Variants in AURKAIP1 observed in about 807,000 individuals in gnomAD.
AURKAIP1 encodes the protein small ribosomal subunit protein bS22, mitochondrial.
A neutral mutation model predicts 18.4 loss-of-function variants in AURKAIP1; 20 were observed. The observed-to-expected ratio is 1.09, with a 90% confidence interval of 0.77 to 1.58. The LOEUF is 1.58. Among genes scored for constraint, AURKAIP1 ranks in the 40% most tolerant of loss-of-function variants. The pLI is 0.00. For synonymous variants in AURKAIP1, 156 were observed against 120.8 expected (o/e 1.29, Z -1.91); for missense variants, 319 against 270.7 (o/e 1.18, Z -1.25).
Position 1,374,804 on chromosome 1 carries a change from G to A in AURKAIP1, c.-34-14C>T, listed in dbSNP as rs1454965527. On this transcript the variant is annotated splice_polypyrimidine_tract_variant and intron_variant, in intron 1 of 3. Coordinates refer to ENST00000338338, the MANE Select transcript of AURKAIP1 (RefSeq NM_017900.3). ...GTCCCAGGGGAGCTGGAACACAAGT[G>A]CCCGTTCAGGTCAGGCGGCAGCGCC... 8 of 1,532,182 alleles carry A rather than the reference G, an allele frequency of 5.2e-6. No individual in the cohort carries two copies. The highest frequency in any genetic ancestry group is 7.1e-6 in the Non-Finnish European group (8 of 1,134,210). The allele number at this position is 1,532,182 out of a possible 1,614,324, so 94.9% of individuals were successfully genotyped here. A position where few individuals can be genotyped will look rare whatever the true frequency, so the allele number is the denominator to read the frequency against.
intron 1 of AURKAIP1, 131 bp downstream of exon 1, chr1:1,375,023 G>C: frequency 2.4e-6 from 1 of 410,930 alleles, no homozygotes; most frequent in Non-Finnish European, 4.4e-6. Context: ...GGGGAGGCCG[G>C]CCCCCTCCCC....
Position 1,374,404 on chromosome 1 carries a change from G to C in AURKAIP1, c.94C>G (p.Arg32Gly). 1 of 1,468,968 alleles carries C rather than the reference G, an allele frequency of 6.8e-7. No homozygotes were observed. The highest frequency in any genetic ancestry group is 9.0e-7 in the Non-Finnish European group (1 of 1,116,616). The allele number at this position is 1,468,968 out of a possible 1,614,324, so 91.0% of individuals were successfully genotyped here. A position where few individuals can be genotyped will look rare whatever the true frequency, so the allele number is the denominator to read the frequency against. ...GTGCTGTAAAGGGGCCCGCAGACCC[G>C]GCTGCCCAGCACTCCAGAGACGGGC... is the stretch of plus-strand genomic sequence containing the variant. The part of the protein sequence containing the change: ...PWPVSGVLGS[R>G]VCGPLYSTSP... Residue 32 changes from arginine to glycine, a missense_variant, in exon 3 of 4, where the codon CGG (arginine) becomes GGG (glycine). Arg to Gly is a moderately radical substitution (Grantham distance 125). Coordinates refer to ENST00000338338, the MANE Select transcript of AURKAIP1 (RefSeq NM_017900.3).
intron 2 of AURKAIP1, 21 bp from the exon 3 acceptor site, chr1:1,374,466 C>A: frequency 2.1e-6 from 3 of 1,439,490 alleles, no homozygotes; most frequent in East Asian, 2.5e-5. Flanking sequence ...CCAGACGCCA[C>A]GGTCACCGCT....
chr1:1,374,850 C>T (rs1644333382), intron 1 of AURKAIP1, 60 bp from the exon 2 acceptor site: 14 of 1,249,914 alleles, frequency 1.1e-5, no homozygotes, highest in African/African-American at 1.5e-5. Context: ...GCGGGCGGGC[C>T]GGGACTGGGG....
rs1203015599 is a variant in AURKAIP1 at position 1,374,636 on chromosome 1, C to T, written c.52+69G>A. 2.7e-6 allele frequency: 4 copies of T among 1,506,160 alleles called. No homozygotes were observed. The African/African-American group carries it at 4.2e-5, about 16-fold the overall frequency. 93.3% of individuals were successfully genotyped at this position (1,506,160 alleles called of 1,614,324 possible). A position where few individuals can be genotyped will look rare whatever the true frequency, so the allele number is the denominator to read the frequency against. ...TGTGTGGCCACCGGCCCTGCCCCAG[C>T]GGAGCTGCTGAGACCCGCACTCCTA... On this transcript the variant is annotated intron_variant, in intron 2 of 3. Transcript: ENST00000338338.
chr1:1,375,139 C>T lies in AURKAIP1; in HGVS notation c.-35+15G>A, dbSNP rs1644336896. On this transcript the variant is annotated intron_variant, in intron 1 of 3. Coordinates refer to ENST00000338338, the MANE Select transcript of AURKAIP1 (RefSeq NM_017900.3). ...GGCGCCCTCAGGCCTCCCGCTGACC[C>T]TTCCCAAGCCCGACCTCGACGCGGC... The T allele has an allele frequency of 5.2e-6, 1 of 193,414 alleles. No individual in the cohort carries two copies. The highest frequency in any genetic ancestry group is 1.5e-4 in the East Asian group (1 of 6,636). The allele number at this position is 193,414 out of a possible 1,614,324, so 12.0% of individuals were successfully genotyped here. A position where few individuals can be genotyped will look rare whatever the true frequency, so the allele number is the denominator to read the frequency against.
intron 1 of AURKAIP1, 31 bp downstream of exon 1, chr1:1,375,123 A>C: frequency 4.4e-6 from 1 of 227,862 alleles, no homozygotes; most frequent in Non-Finnish European, 8.8e-6. Flanking sequence ...CGGCGCCCTC[A>C]GGCCTCCCGC....
Position 1,373,737 on chromosome 1 carries a change from G to T in AURKAIP1, c.*64C>A. ...GAGCTCCAGACCCGCAGGAAAGGCT[G>T]AGTCCTCTGAGAATTTATTACTACG... On this transcript the variant is annotated 3_prime_UTR_variant, in exon 4 of 4. Coordinates refer to ENST00000338338, the MANE Select transcript of AURKAIP1 (RefSeq NM_017900.3). 1 of 1,444,482 alleles carries T rather than the reference G, an allele frequency of 6.9e-7. No homozygotes were observed. Among genetic ancestry groups the T allele is most frequent in the South Asian group, 1.2e-5 (1 of 83,874 alleles). 89.5% of individuals were successfully genotyped at this position (1,444,482 alleles called of 1,614,324 possible). A position where few individuals can be genotyped will look rare whatever the true frequency, so the allele number is the denominator to read the frequency against.
rs1326887573 is a variant in AURKAIP1, at chr1:1,374,771, G to C, written c.-15C>G. The C allele has an allele frequency of 6.4e-7, 1 of 1,553,764 alleles. No homozygotes were observed. Among genetic ancestry groups the C allele is most frequent in the Admixed American group, 1.9e-5 (1 of 51,492 alleles). On this transcript the variant is annotated 5_prime_UTR_variant, in exon 2 of 4. Coordinates refer to ENST00000338338, the MANE Select transcript of AURKAIP1 (RefSeq NM_017900.3). Reference sequence around the variant, plus strand: ...CCCAGGAGCATGGTCTGTGGGCGGCGGCCACAGGTCCCAGGGGAGCTGGAA... The same window carrying C: ...CCCAGGAGCATGGTCTGTGGGCGGCCGCCACAGGTCCCAGGGGAGCTGGAA...
At chr1:1,373,970 C>T (rs747527673) in intron 3 of AURKAIP1, 30 bp downstream of exon 3, 1 of 1,608,598 alleles carries the variant, frequency 6.2e-7, no homozygotes, top group Non-Finnish European at 8.5e-7. Flanking sequence ...AGCACTTTGC[C>T]CTCCCAGGGC....
chr1:1,374,913 C>G, intron 1 of AURKAIP1, 123 bp from the exon 2 acceptor site: 1 of 643,748 alleles, frequency 1.6e-6, no homozygotes, highest in Non-Finnish European at 2.6e-6. Context: ...CACCCCAACC[C>G]ACAAGGAGGA....
chr1:1,374,840 G>C (rs1023226922), intron 1 of AURKAIP1, 50 bp from the exon 2 acceptor site: 14 of 1,362,966 alleles, frequency 1.0e-5, no homozygotes, highest in Admixed American at 6.8e-5. Context: ...TTCAGTAGTC[G>C]CGGGCGGGCC....
Position 1,374,827 on chromosome 1 carries a change from G to A in AURKAIP1, c.-34-37C>T, listed in dbSNP as rs1203342506. On this transcript the variant is annotated intron_variant, in intron 1 of 3. Coordinates refer to ENST00000338338, the MANE Select transcript of AURKAIP1 (RefSeq NM_017900.3). ...GTGCCCGTTCAGGTCAGGCGGCAGC[G>A]CCTTCAGTAGTCGCGGGCGGGCCGG... The A allele has an allele frequency of 1.2e-5, 17 of 1,440,770 alleles. No individual in the cohort carries two copies. The African/African-American group carries it at 1.7e-4, about 15-fold the overall frequency. The allele number at this position is 1,440,770 out of a possible 1,614,324, so 89.2% of individuals were successfully genotyped here. A position where few individuals can be genotyped will look rare whatever the true frequency, so the allele number is the denominator to read the frequency against.
chr1:1,374,228 C>G lies in AURKAIP1; in HGVS notation c.270G>C (p.Gly90=), dbSNP rs777691455. The G allele has an allele frequency of 6.2e-7, 1 of 1,612,758 alleles. No homozygotes were observed. The highest frequency in any genetic ancestry group is 1.3e-5 in the African/African-American group (1 of 75,060). Residue 90 remains glycine (G), a synonymous_variant, in exon 3 of 4, where the codon GGG becomes GGC. Transcript: ENST00000338338. ...GCGGTGGAGCCACAGTCCCTGCGGT[C>G]CCGGTATCCAGTCTGGGCAGGAAGC... ...ARCFLPRLDT[G]TAGTVAPPQS... is the part of the protein sequence containing the mutation.
rs1383853995 is a variant in AURKAIP1 at position 1,374,768 on chromosome 1, G to A, written c.-12C>T. The A allele has an allele frequency of 6.4e-7, 1 of 1,553,788 alleles. No homozygotes were observed. The highest frequency in any genetic ancestry group is 1.2e-5 in the South Asian group (1 of 84,300). ...CGCCCCAGGAGCATGGTCTGTGGGC[G>A]GCGGCCACAGGTCCCAGGGGAGCTG... On this transcript the variant is annotated 5_prime_UTR_variant, in exon 2 of 4. Coordinates refer to ENST00000338338, the MANE Select transcript of AURKAIP1 (RefSeq NM_017900.3).
At position 1,374,707 on chromosome 1, in the gene AURKAIP1, G is replaced by GCC. The variant is rs1644331163; in HGVS notation, c.48_49dup (p.Ala17GlyfsTer93). 6.4e-7 allele frequency: 1 copy of GCC among 1,559,210 alleles called. No individual in the cohort carries two copies. On this transcript the variant is annotated frameshift_variant, in exon 2 of 4. Transcript: ENST00000338338. LOFTEE classifies it high-confidence loss of function. ...TCCGCCCCCGCGCGGCTTCCTACCT[G>GCC]CCCAAGGAACGGCCCTCAACAGCTG...
rs1644327976 is a variant in AURKAIP1 at position 1,374,448 on chromosome 1, G to C, written c.53-3C>G. On this transcript the variant is annotated splice_polypyrimidine_tract_variant and splice_region_variant and intron_variant, in intron 2 of 3. Transcript: ENST00000338338. ...GACGGGCCAAGGCGGGCGGCCGCCT[G>C]CAGAAAACCAGACGCCACGGTCACC... 1 of 1,444,346 alleles carries C rather than the reference G, an allele frequency of 6.9e-7. No individual in the cohort carries two copies. Among genetic ancestry groups the C allele is most frequent in the Admixed American group, 2.8e-5 (1 of 35,394 alleles). The allele number at this position is 1,444,346 out of a possible 1,614,324, so 89.5% of individuals were successfully genotyped here.
chr1:1,374,617 G>T (rs969083685), intron 2 of AURKAIP1, 88 bp downstream of exon 2: 61 of 1,440,104 alleles, frequency 4.2e-5, no homozygotes, highest in Non-Finnish European at 5.7e-5. Context: ...TGTGTGTGTG[G>T]CCACCGGCCC....
intron 2 of AURKAIP1, 96 bp downstream of exon 2, chr1:1,374,609 T>A (rs1644330003): frequency 7.1e-7 from 1 of 1,411,864 alleles, no homozygotes; most frequent in African/African-American, 1.4e-5. Context: ...GGAAAGAGTG[T>A]GTGTGTGGCC....
Sources: gnomAD v4.1 joint callset for allele counts on GRCh38, gnomAD v4.1.1 for gene constraint, MANE v1.5 for transcripts, NCBI Gene and HGNC (gene_info 2026-07-23, HGNC 2026-07-21) for gene names.